The following SLC24A2 variants were observed in gnomAD, a reference collection of about 807,000 sequenced individuals.
The protein encoded by SLC24A2 is solute carrier family 24 member 2, also known as sodium/potassium/calcium exchanger 2.
In SLC24A2, 36 loss-of-function variants were observed where a neutral mutation model predicts 62.0. The ratio of observed to expected loss-of-function variants is 0.58; its 90% confidence interval spans 0.44 to 0.77. The LOEUF is 0.77. SLC24A2 is among the 30% of genes least tolerant of loss of function. The probability of loss-of-function intolerance (pLI) is 0.00; values close to 1 mark genes in which losing one functional copy is unlikely to be tolerated. For missense variants in SLC24A2, 846 were observed against 817.9 expected (o/e 1.03, Z -0.42); for synonymous variants, 358 against 294.0 (o/e 1.22, Z -2.23).
the SLC24A2 span, among the ~76,000 whole-genome samples, chr9:19,824,105 G>A: frequency 1.3e-5 from 2 of 152,252 alleles, no homozygotes; most frequent in Non-Finnish European, 2.9e-5. Context: ...TCAGGACATA[G>A]GCACGGACAA....
At chr9:20,058,164 C>G in the SLC24A2 span, among the ~76,000 whole-genome samples, 1 of 152,250 alleles carries the variant, frequency 6.6e-6, no homozygotes, top group African/African-American at 2.4e-5. Context: ...TCAGCCATAA[C>G]TTTTCTTGTA....
chr9:20,168,070 G>A, the SLC24A2 span, among the ~76,000 whole-genome samples: 1 of 151,740 alleles, frequency 6.6e-6, no homozygotes, highest in Non-Finnish European at 1.5e-5. Context: ...ACTCTCAAAT[G>A]GTACAGAAAA....
chr9:20,191,412 T>C, the SLC24A2 span, among the ~76,000 whole-genome samples: 4 of 152,082 alleles, frequency 2.6e-5, no homozygotes, highest in Non-Finnish European at 5.9e-5. Flanking sequence ...CGTGCCAGCA[T>C]GATTTATGGG....
chr9:19,525,283 G>C (rs56051337), intron 9 of SLC24A2, among the ~76,000 whole-genome samples: 1,534 of 148,940 alleles, frequency 0.01, 10 homozygotes, highest in Non-Finnish European at 0.016. Flanking sequence ...GATTTTGCTA[G>C]TAACATGTAT....
upstream of SLC24A2, among the ~76,000 whole-genome samples, chr9:19,791,356 C>T (rs1231200960): frequency 3.9e-5 from 6 of 152,284 alleles, no homozygotes; most frequent in Non-Finnish European, 5.9e-5. Context: ...TCACTGATCA[C>T]GACTTGGTCA....
At chr9:19,876,529 G>A in the SLC24A2 span, among the ~76,000 whole-genome samples, 1 of 151,980 alleles carries the variant, frequency 6.6e-6, no homozygotes, top group South Asian at 2.1e-4. Context: ...AGCAAATTGT[G>A]TAGTTAACCC....
At chr9:19,665,176 G>C (rs1240946220) in intron 2 of SLC24A2, among the ~76,000 whole-genome samples, 1 of 152,164 alleles carries the variant, frequency 6.6e-6, no homozygotes, top group African/African-American at 2.4e-5. Flanking sequence ...ATCTATCTGA[G>C]GTGAGTTTTG....
At chr9:19,751,135 C>A (rs996085402) in intron 2 of SLC24A2, among the ~76,000 whole-genome samples, 1 of 152,128 alleles carries the variant, frequency 6.6e-6, no homozygotes. Context: ...TTGCTTTGAA[C>A]CCCTATGACT....
At chr9:19,822,207 T>C in the SLC24A2 span, among the ~76,000 whole-genome samples, 1 of 152,172 alleles carries the variant, frequency 6.6e-6, no homozygotes, top group Non-Finnish European at 1.5e-5. Context: ...TTAATAATGA[T>C]AGAATCAGCA....
the SLC24A2 span, among the ~76,000 whole-genome samples, chr9:20,251,145 A>G: frequency 2.0e-5 from 3 of 152,300 alleles, no homozygotes; most frequent in South Asian, 2.1e-4. Context: ...AAAAGACACA[A>G]CCAACCTTTG....
chr9:20,260,148 C>T, the SLC24A2 span, among the ~76,000 whole-genome samples: 2 of 152,298 alleles, frequency 1.3e-5, no homozygotes, highest in South Asian at 2.1e-4. Context: ...ACGAGGGCTC[C>T]AACTTCATTA....
chr9:20,262,584 A>G, the SLC24A2 span, among the ~76,000 whole-genome samples: 3 of 152,226 alleles, frequency 2.0e-5, no homozygotes, highest in Non-Finnish European at 4.4e-5. Flanking sequence ...GCCCAGAAAT[A>G]ACCTCTAATA....
chr9:19,559,276 A>G (rs1443468460), intron 7 of SLC24A2, among the ~76,000 whole-genome samples: 1 of 152,200 alleles, frequency 6.6e-6, no homozygotes, highest in Non-Finnish European at 1.5e-5. Context: ...AAAATGCAAA[A>G]ATTTTGTACC....
intron 2 of SLC24A2, among the ~76,000 whole-genome samples, chr9:19,651,014 T>A (rs1480689911): frequency 1.1e-4 from 17 of 152,152 alleles, no homozygotes; most frequent in African/African-American, 3.9e-4. Context: ...TCCTCACAGA[T>A]AAATAATGTG....
intron 7 of SLC24A2, among the ~76,000 whole-genome samples, chr9:19,570,239 T>C (rs1835799124): frequency 6.6e-6 from 1 of 152,272 alleles, no homozygotes; most frequent in Admixed American, 6.5e-5. Flanking sequence ...GCTCCAGTTC[T>C]ATCCTCTTTC....
chr9:20,190,701 G>A, the SLC24A2 span, among the ~76,000 whole-genome samples: 2 of 152,066 alleles, frequency 1.3e-5, no homozygotes, highest in Non-Finnish European at 2.9e-5. Flanking sequence ...TTCTGTATTA[G>A]TCATGAGCTT....
chr9:20,166,955 C>T, the SLC24A2 span, among the ~76,000 whole-genome samples: 3 of 152,156 alleles, frequency 2.0e-5, no homozygotes, highest in Non-Finnish European at 2.9e-5. Context: ...AACCTTTCAC[C>T]TCAGCCTCCT....
the SLC24A2 span, among the ~76,000 whole-genome samples, chr9:20,090,230 T>C: frequency 6.6e-6 from 1 of 152,146 alleles, no homozygotes; most frequent in African/African-American, 2.4e-5. Flanking sequence ...TACTGAGTGA[T>C]TGCTGACCTG....
At chr9:20,283,178 C>T in the SLC24A2 span, among the ~76,000 whole-genome samples, 3 of 152,210 alleles carry the variant, frequency 2.0e-5, no homozygotes, top group South Asian at 4.1e-4. Flanking sequence ...TTTTAATTTA[C>T]ACTTCTTTAA....
Sources: allele counts gnomAD v4.1 joint callset (sites outside exome capture counted in the v4.1 genomes callset), GRCh38; gene constraint gnomAD v4.1.1; transcripts MANE v1.5; gene names NCBI Gene and HGNC (gene_info 2026-07-23, HGNC 2026-07-21).